SLC30A9: variants seen among roughly 807,000 people sequenced by gnomAD.
The protein encoded by SLC30A9 is proton-coupled zinc antiporter SLC30A9, mitochondrial.
SLC30A9 carries 58 observed loss-of-function variants against 87.5 expected under a neutral mutation model. That is an observed-to-expected ratio of 0.66 (90% CI 0.54 to 0.82). The LOEUF (loss-of-function observed/expected upper bound fraction) is 0.82, where lower values mean the gene tolerates loss of function less well. SLC30A9 is among the 40% of genes least tolerant of loss of function. The pLI, the probability that SLC30A9 is intolerant of heterozygous loss-of-function variation, is 0.00. For synonymous variants in SLC30A9, 234 were observed against 233.0 expected (o/e 1.00, Z -0.04); for missense variants, 557 against 679.1 (o/e 0.82, Z 2.00).
intron 2 of SLC30A9, among the ~76,000 whole-genome samples, chr4:42,007,480 A>T (rs1348484980): frequency 6.6e-6 from 1 of 152,162 alleles, no homozygotes; most frequent in Non-Finnish European, 1.5e-5. Flanking sequence ...GGTCGGGTGC[A>T]GTGGCTCATG....
intron 1 of SLC30A9, among the ~76,000 whole-genome samples, 166 bp downstream of exon 1, chr4:41,990,926 C>T (rs1450816807): frequency 6.6e-6 from 1 of 152,262 alleles, no homozygotes; most frequent in Non-Finnish European, 1.5e-5. Flanking sequence ...CCGCGGGGGT[C>T]CTGACAGGTC....
intron 8 of SLC30A9, among the ~76,000 whole-genome samples, chr4:42,047,778 G>T (rs12650855): frequency 6.6e-6 from 1 of 152,054 alleles, no homozygotes; most frequent in South Asian, 2.1e-4. Context: ...ACACATGCAC[G>T]TGTATGTTTT....
At chr4:42,080,505 C>T (rs1022044337) in intron 17 of SLC30A9, among the ~76,000 whole-genome samples, 8 of 152,172 alleles carry the variant, frequency 5.3e-5, no homozygotes, top group Non-Finnish European at 8.8e-5. Flanking sequence ...AGTAGCATGA[C>T]GTGTTGCCAA....
chr4:42,056,124 G>C (rs1251144636), intron 9 of SLC30A9, among the ~76,000 whole-genome samples: 1 of 152,080 alleles, frequency 6.6e-6, no homozygotes, highest in African/African-American at 2.4e-5. Flanking sequence ...TTATAAAATA[G>C]TTGACGGTAT....
intron 2 of SLC30A9, among the ~76,000 whole-genome samples, chr4:42,012,362 C>T (rs1488971741): frequency 6.6e-6 from 1 of 152,048 alleles, no homozygotes; most frequent in African/African-American, 2.4e-5. Flanking sequence ...ATAAATGCTA[C>T]TCTGGAATTT....
At chr4:42,076,625 T>G (rs1444317834) in intron 16 of SLC30A9, among the ~76,000 whole-genome samples, 3 of 152,126 alleles carry the variant, frequency 2.0e-5, no homozygotes, top group African/African-American at 7.2e-5. Context: ...ATGCTGTAAT[T>G]TATTTATTTT....
At chr4:42,032,305 C>T (rs1034333324) in intron 6 of SLC30A9, among the ~76,000 whole-genome samples, 5 of 151,948 alleles carry the variant, frequency 3.3e-5, no homozygotes, top group East Asian at 1.9e-4. Context: ...CAGCCCTCTT[C>T]GAAAAAAGTT....
chr4:42,017,163 A>C (rs922609916), intron 2 of SLC30A9, among the ~76,000 whole-genome samples: 2 of 151,976 alleles, frequency 1.3e-5, no homozygotes, highest in Admixed American at 1.3e-4. Context: ...TTATGATTTC[A>C]TTTGGATTCT....
At chr4:42,043,082 A>G (rs1246071816) in intron 8 of SLC30A9, among the ~76,000 whole-genome samples, 3 of 152,220 alleles carry the variant, frequency 2.0e-5, no homozygotes, top group East Asian at 3.9e-4. Flanking sequence ...AGTCACCAAC[A>G]TCAAAGACCA....
chr4:42,028,159 C>T (rs982868304), intron 6 of SLC30A9, among the ~76,000 whole-genome samples: 2 of 152,172 alleles, frequency 1.3e-5, no homozygotes, highest in Non-Finnish European at 2.9e-5. Flanking sequence ...CACTCTGTCA[C>T]CAGGCTGGAG....
intron 1 of SLC30A9, among the ~76,000 whole-genome samples, chr4:41,998,472 G>T (rs2660333): frequency 0.63 from 91,793 of 146,772 alleles, 33,009 homozygotes; most frequent in East Asian, 0.96. Context: ...CTTTTTTTTT[G>T]TTTGTTTTTG....
chr4:42,070,659 C>T lies in SLC30A9; in HGVS notation c.1386C>T (p.Leu462=). Residue 462 remains leucine, a synonymous_variant, in exon 15 of 18, where the codon CTC becomes CTT. Transcript: ENST00000264451. ...TCCAGCCAGAACAAGTACAACGGCT[C>T]ACTGAACTCCTGGAGAATGACCCAT... ...RSIQPEQVQR[L]TELLENDPSV... The T allele has an allele frequency of 6.2e-7, 1 of 1,613,920 alleles. No homozygotes were observed. Among genetic ancestry groups the T allele is most frequent in the Non-Finnish European group, 8.5e-7 (1 of 1,179,862 alleles).
intron 6 of SLC30A9, chr4:42,029,421 C>T: frequency 5.2e-6 from 3 of 574,076 alleles, no homozygotes; most frequent in Middle Eastern, 2.8e-4. Flanking sequence ...ATCAGAACCA[C>T]ATATCAGGAC....
chr4:42,063,044 A>C lies in SLC30A9; in HGVS notation c.955A>C (p.Met319Leu). 1 of 1,613,556 alleles carries C rather than the reference A, an allele frequency of 6.2e-7. No individual in the cohort carries two copies. The highest frequency in any genetic ancestry group is 1.1e-5 in the South Asian group (1 of 91,052). ...SSLISGVGIF[M>L]MGAGLSWYHG... is the part of the protein sequence containing the mutation. Reference sequence around the variant, plus strand: ...GCTAATTAGTGGTGTTGGTATTTTCATGATGGGTGCAGGACTATCTTGGTA... The same window carrying C: ...GCTAATTAGTGGTGTTGGTATTTTCCTGATGGGTGCAGGACTATCTTGGTA... Residue 319 changes from methionine to leucine, a missense_variant, in exon 11 of 18, where the codon ATG (methionine) becomes CTG (leucine). Met to Leu is a conservative substitution (Grantham distance 15, BLOSUM62 2). Coordinates refer to ENST00000264451, the MANE Select transcript of SLC30A9 (RefSeq NM_006345.4).
chr4:41,994,950 A>T (rs17530003), intron 1 of SLC30A9, among the ~76,000 whole-genome samples: 6,886 of 152,034 alleles, frequency 0.045, 223 homozygotes, highest in African/African-American at 0.079. Context: ...TTAAGAGAGC[A>T]TTGACAGTTA....
chr4:42,034,050 G>C (rs1560545449), intron 6 of SLC30A9, among the ~76,000 whole-genome samples: 1 of 149,394 alleles, frequency 6.7e-6, no homozygotes, highest in Non-Finnish European at 1.5e-5. Flanking sequence ...GAGAAGCCTT[G>C]TAAATAAAAG....
intron 8 of SLC30A9, among the ~76,000 whole-genome samples, chr4:42,046,073 C>T (rs1296527582): frequency 2.0e-5 from 3 of 152,076 alleles, no homozygotes; most frequent in Non-Finnish European, 2.9e-5. Flanking sequence ...TAGGTATTGG[C>T]AGAACGTATC....
Position 42,089,026 on chromosome 4 carries a change from A to ACTTT in SLC30A9, c.*2901_*2904dup, listed in dbSNP as rs1560565719. 2.8e-5 allele frequency: 2 copies of ACTTT among 71,974 alleles called. No individual in the cohort carries two copies. The highest frequency in any genetic ancestry group is 1.9e-4 in the Admixed American group (1 of 5,252). The allele number at this position is 71,974 out of a possible 1,614,324, so 4.5% of individuals were successfully genotyped here. A position where few individuals can be genotyped will look rare whatever the true frequency, so the allele number is the denominator to read the frequency against. The stretch of plus-strand genomic sequence containing the variant: ...TTATTTTACCAAATTAATGTTTCTT[A>ACTTT]CTTTGTATCTACTTTGGCATATAGC... On this transcript the variant is annotated 3_prime_UTR_variant, in exon 18 of 18. Transcript: ENST00000264451.
intron 16 of SLC30A9, 123 bp downstream of exon 16, chr4:42,075,909 A>C: frequency 1.2e-6 from 1 of 865,488 alleles, no homozygotes; most frequent in Non-Finnish European, 1.7e-6. Context: ...TTAGGTTCCA[A>C]AATTTAACAG....
Sources: gnomAD v4.1 joint callset for allele counts (sites outside exome capture counted in the v4.1 genomes callset) on GRCh38, gnomAD v4.1.1 for gene constraint, MANE v1.5 for transcripts, NCBI Gene and HGNC (gene_info 2026-07-23, HGNC 2026-07-21) for gene names.